Variants in KIAA0319L observed in about 807,000 individuals in gnomAD.
The protein encoded by KIAA0319L is KIAA0319 like.
KIAA0319L carries 55 observed loss-of-function variants against 120.1 expected under a neutral mutation model. That is an observed-to-expected ratio of 0.46 (90% CI 0.37 to 0.57). KIAA0319L has a LOEUF of 0.57. Among genes scored for constraint, KIAA0319L ranks in the 20% least tolerant of loss-of-function variants. KIAA0319L has a pLI of 0.00. For synonymous variants in KIAA0319L, 398 were observed against 471.9 expected (o/e 0.84, Z 2.03); for missense variants, 1,049 against 1,255.3 (o/e 0.84, Z 2.48).
At chr1:35,524,204 T>C (rs929586520) in intron 2 of KIAA0319L, among the ~76,000 whole-genome samples, 1 of 151,950 alleles carries the variant, frequency 6.6e-6, no homozygotes, top group South Asian at 2.1e-4. Context: ...AAAGAAAAAA[T>C]AACAAAAAAT....
intron 15 of KIAA0319L, among the ~76,000 whole-genome samples, chr1:35,449,010 T>C (rs1254494987): frequency 6.6e-6 from 1 of 152,252 alleles, no homozygotes; most frequent in Non-Finnish European, 1.5e-5. Flanking sequence ...AATGCCTTAT[T>C]TACATACTTG....
At chr1:35,518,410 C>T (rs1645769805) in intron 2 of KIAA0319L, among the ~76,000 whole-genome samples, 1 of 152,142 alleles carries the variant, frequency 6.6e-6, no homozygotes, top group Non-Finnish European at 1.5e-5. Context: ...ATGTCTTTTG[C>T]AGGAACATGG....
At chr1:35,442,117 G>C (rs1346710928) in intron 19 of KIAA0319L, 129 bp downstream of exon 19, 5 of 734,236 alleles carry the variant, frequency 6.8e-6, no homozygotes, top group Non-Finnish European at 1.2e-5. Flanking sequence ...GCCTTAGGTG[G>C]GTCAGAACTC....
chr1:35,489,798 CTGAGA>C (rs926043048), intron 3 of KIAA0319L, among the ~76,000 whole-genome samples: 15 of 151,978 alleles, frequency 9.9e-5, no homozygotes, highest in African/African-American at 3.4e-4. Context: ...TCCCAAATAG[CTGAGA>C]TTACAGGCGC....
intron 2 of KIAA0319L, among the ~76,000 whole-genome samples, chr1:35,539,005 CA>C (rs1558640883): frequency 6.6e-6 from 1 of 151,970 alleles, no homozygotes; most frequent in African/African-American, 2.4e-5. Context: ...TCTGCTGCTT[CA>C]AAAAATGGTA....
At chr1:35,551,330 T>C (rs1222765316) in intron 2 of KIAA0319L, among the ~76,000 whole-genome samples, 3 of 152,208 alleles carry the variant, frequency 2.0e-5, no homozygotes, top group African/African-American at 7.2e-5. Flanking sequence ...TGTTCTTTTT[T>C]CCTTTCAGAT....
intron 10 of KIAA0319L, among the ~76,000 whole-genome samples, chr1:35,455,608 T>C (rs1308934597): frequency 2.9e-5 from 4 of 138,934 alleles, no homozygotes; most frequent in Non-Finnish European, 6.1e-5. Context: ...TGAGATGGAG[T>C]CTTGCTCTGT....
intron 2 of KIAA0319L, among the ~76,000 whole-genome samples, chr1:35,525,065 A>G (rs1194090513): frequency 6.6e-6 from 1 of 152,126 alleles, no homozygotes; most frequent in Non-Finnish European, 1.5e-5. Context: ...CATGAGATCA[A>G]CTTTTTTAGC....
In KIAA0319L at chr1:35,456,259, G is replaced by A. The variant is rs1642445842; in HGVS notation, c.1428-18C>T. 2 of 1,483,606 alleles carry A rather than the reference G, an allele frequency of 1.3e-6. No homozygotes were observed. Among genetic ancestry groups the A allele is most frequent in the African/African-American group, 2.8e-5 (2 of 71,806 alleles). The allele number at this position is 1,483,606 out of a possible 1,614,324, so 91.9% of individuals were successfully genotyped here. A position where few individuals can be genotyped will look rare whatever the true frequency, so the allele number is the denominator to read the frequency against. On this transcript the variant is annotated intron_variant, in intron 9 of 20. Transcript: ENST00000325722. ...CAGTCAAGCTATCAGGGCAGAGAGA[G>A]GAGTGTGATCAGGGACGGGTTTAAG... is the stretch of plus-strand genomic sequence containing the variant.
At chr1:35,516,557 A>T (rs1645687699) in intron 2 of KIAA0319L, among the ~76,000 whole-genome samples, 1 of 152,234 alleles carries the variant, frequency 6.6e-6, no homozygotes, top group African/African-American at 2.4e-5. Flanking sequence ...ACCTCAAAGT[A>T]ATAAGAACCA....
Position 35,441,224 on chromosome 1 carries a change from A to G in KIAA0319L, c.2871-86T>C, listed in dbSNP as rs571878396. Reference sequence around the variant, plus strand: ...GAGCCAGATGTGCATGCAGGGCCCTATTTTGGTGGGGCACCTACTGAGAGG... The same window carrying G: ...GAGCCAGATGTGCATGCAGGGCCCTGTTTTGGTGGGGCACCTACTGAGAGG... On this transcript the variant is annotated intron_variant, in intron 19 of 20. Coordinates refer to ENST00000325722, the MANE Select transcript of KIAA0319L (RefSeq NM_024874.5). 3 of 1,185,680 alleles carry G rather than the reference A, an allele frequency of 2.5e-6. No homozygotes were observed. In the South Asian group the frequency reaches 3.8e-5, roughly 15 times the overall value. 73.4% of individuals were successfully genotyped at this position (1,185,680 alleles called of 1,614,324 possible). A position where few individuals can be genotyped will look rare whatever the true frequency, so the allele number is the denominator to read the frequency against.
At chr1:35,536,434 A>C (rs1295996315) in intron 2 of KIAA0319L, among the ~76,000 whole-genome samples, 1 of 152,220 alleles carries the variant, frequency 6.6e-6, no homozygotes, top group Non-Finnish European at 1.5e-5. Context: ...TTCTGAACAA[A>C]GCAACAGTGG....
chr1:35,469,152 C>T (rs1206637511), intron 6 of KIAA0319L, among the ~76,000 whole-genome samples: 1 of 152,194 alleles, frequency 6.6e-6, no homozygotes, highest in Non-Finnish European at 1.5e-5. Flanking sequence ...CCTCACCCTC[C>T]TGAGTAGCTG....
In KIAA0319L at chr1:35,434,880, G is replaced by C; in HGVS notation, c.*14C>G. 1 of 1,609,930 alleles carries C rather than the reference G, an allele frequency of 6.2e-7. No individual in the cohort carries two copies. Among genetic ancestry groups the C allele is most frequent in the Non-Finnish European group, 8.5e-7 (1 of 1,178,518 alleles). ...AGTGTGCTGGGCCCTGCCCTGAGGA[G>C]ACAGACCAGGTGGCTACAGGATCTC... On this transcript the variant is annotated 3_prime_UTR_variant, in exon 21 of 21. Transcript: ENST00000325722.
rs1361705941 is a variant in KIAA0319L at position 35,437,754 on chromosome 1, T to TC, written c.2963-2674dup. Among the ~76,000 whole-genome samples, 1 of 152,138 alleles carries TC rather than the reference T, an allele frequency of 6.6e-6. No homozygotes were observed. The highest frequency in any genetic ancestry group is 1.9e-4 in the East Asian group (1 of 5,188). ...GGCCTCTTCTTTTGTCCTTCAACAT[T>TC]CCCCCATAAGGGATGTGACCCTTTG... On this transcript the variant is annotated intron_variant, in intron 20 of 20. Coordinates refer to ENST00000325722, the MANE Select transcript of KIAA0319L (RefSeq NM_024874.5). The surrounding 1 kb of genome is among the most constrained non-coding windows in gnomAD (Gnocchi z 4.1).
At chr1:35,498,447 A>G (rs1644891459) in intron 3 of KIAA0319L, among the ~76,000 whole-genome samples, 2 of 152,192 alleles carry the variant, frequency 1.3e-5, no homozygotes, top group Non-Finnish European at 2.9e-5. Flanking sequence ...GAAATAATAA[A>G]AACTAAACCA....
intron 17 of KIAA0319L, 137 bp downstream of exon 17, chr1:35,444,024 T>C (rs550460880): frequency 1.4e-6 from 1 of 703,604 alleles, no homozygotes; most frequent in Admixed American, 3.3e-5. Flanking sequence ...GACTCTTTCA[T>C]GGTAATAGTA....
intron 2 of KIAA0319L, among the ~76,000 whole-genome samples, chr1:35,521,895 C>G (rs1013704237): frequency 1.3e-5 from 2 of 151,904 alleles, no homozygotes; most frequent in Non-Finnish European, 2.9e-5. Context: ...ATGGCGTGAA[C>G]CCGGGAGGTG....
chr1:35,517,199 GA>G (rs1485922370), intron 2 of KIAA0319L, among the ~76,000 whole-genome samples: 1 of 151,620 alleles, frequency 6.6e-6, no homozygotes. Flanking sequence ...CACAGAACTA[GA>G]AAAAAAACTA....
Sources: allele counts gnomAD v4.1 joint callset (sites outside exome capture counted in the v4.1 genomes callset), GRCh38; gene constraint gnomAD v4.1.1; non-coding constraint Gnocchi (gnomAD v3.1); transcripts MANE v1.5; gene names NCBI Gene and HGNC (gene_info 2026-07-23, HGNC 2026-07-21).